The following ERICH6B variants were observed in gnomAD, a reference collection of about 807,000 sequenced individuals.
The protein encoded by ERICH6B is glutamate-rich protein 6B.
Under a neutral mutation model 80.0 loss-of-function variants are expected in ERICH6B, and 69 were observed. The observed-to-expected ratio is 0.86, with a 90% CI of 0.71 to 1.05. The LOEUF (loss-of-function observed/expected upper bound fraction) is 1.05, where lower values mean the gene tolerates loss of function less well. ERICH6B is among the 50% of genes least tolerant of loss of function. The pLI, the probability that ERICH6B is intolerant of heterozygous loss-of-function variation, is 0.00. For synonymous variants in ERICH6B, 283 were observed against 291.9 expected (o/e 0.97, Z 0.31); for missense variants, 754 against 796.1 (o/e 0.95, Z 0.64).
chr13:45,614,621 T>A (rs1160773917), intron 1 of ERICH6B, among the ~76,000 whole-genome samples: 8 of 152,232 alleles, frequency 5.3e-5, no homozygotes, highest in Admixed American at 5.2e-4. Flanking sequence ...ATGGAGTGGG[T>A]GACCCTTGGC....
At chr13:45,547,338 A>G (rs1874033549) in intron 13 of ERICH6B, among the ~76,000 whole-genome samples, 1 of 152,222 alleles carries the variant, frequency 6.6e-6, no homozygotes, top group Non-Finnish European at 1.5e-5. Context: ...GGCTCCCATC[A>G]GAGTTCTCAC....
In ERICH6B at chr13:45,614,837, A is replaced by G. The variant is rs558210704; in HGVS notation, c.-111+848T>C. Among the ~76,000 whole-genome samples, 4 of 152,368 alleles carry G rather than the reference A, an allele frequency of 2.6e-5. No homozygotes were observed. The East Asian group carries it at 7.7e-4, about 29-fold the overall frequency. On this transcript the variant is annotated intron_variant, in intron 1 of 14. Coordinates refer to ENST00000298738, the MANE Select transcript of ERICH6B (RefSeq NM_182542.3). The stretch of plus-strand genomic sequence containing the variant: ...CTGAAGTCTGCTGCTCTCCCCCATG[A>G]GGGGAACAACTGATGACCTACTTCT...
At chr13:45,569,791 C>T (rs763460310) in intron 8 of ERICH6B, among the ~76,000 whole-genome samples, 14 of 152,278 alleles carry the variant, frequency 9.2e-5, no homozygotes, top group South Asian at 6.2e-4. Context: ...GCTTTAGGTC[C>T]GACTTGCCTG....
chr13:45,581,570 T>C (rs1358741798), intron 5 of ERICH6B, among the ~76,000 whole-genome samples: 1 of 151,982 alleles, frequency 6.6e-6, no homozygotes, highest in Non-Finnish European at 1.5e-5. Context: ...AGAGGCAGAG[T>C]TTTGCCGTGT....
At position 45,587,136 on chromosome 13, in the gene ERICH6B, A is replaced by G; in HGVS notation, c.783T>C (p.Ser261=). The G allele has an allele frequency of 6.4e-7, 1 of 1,551,720 alleles. No homozygotes were observed. The highest frequency in any genetic ancestry group is 8.7e-7 in the Non-Finnish European group (1 of 1,146,994). ...PSPVSESATE[S]SELLLTLYRR... ...TGTACAATGTCAGAAGCAACTCAGA[A>G]GACTCTGTGGCAGATTCAGAGACAG... The change falls in exon 5 of 15, where the codon TCT becomes TCC. Residue 261 remains serine (S), a synonymous_variant. Transcript: ENST00000298738.
intron 1 of ERICH6B, among the ~76,000 whole-genome samples, chr13:45,611,920 T>G (rs1949902059): frequency 6.6e-6 from 1 of 152,252 alleles, no homozygotes; most frequent in African/African-American, 2.4e-5. Context: ...CCAGCAAGCC[T>G]TCTGAGGTCT....
intron 13 of ERICH6B, among the ~76,000 whole-genome samples, chr13:45,548,452 G>C (rs554452172): frequency 2.5e-4 from 38 of 152,308 alleles, no homozygotes; most frequent in African/African-American, 8.4e-4. Flanking sequence ...CTTCCTCTGT[G>C]GGTAACATTT....
chr13:45,570,233 G>C (rs1464508970), intron 8 of ERICH6B, among the ~76,000 whole-genome samples: 1 of 152,108 alleles, frequency 6.6e-6, no homozygotes, highest in Non-Finnish European at 1.5e-5. Context: ...CCTCTCCTGG[G>C]TTAATATCTG....
intron 7 of ERICH6B, among the ~76,000 whole-genome samples, chr13:45,577,432 T>C (rs890683580): frequency 6.6e-5 from 10 of 151,914 alleles, no homozygotes; most frequent in African/African-American, 1.9e-4. Flanking sequence ...TACAGGCGTG[T>C]GCCACCATGC....
At chr13:45,609,446 C>T (rs945724526) in intron 1 of ERICH6B, among the ~76,000 whole-genome samples, 1 of 152,220 alleles carries the variant, frequency 6.6e-6, no homozygotes, top group African/African-American at 2.4e-5. Context: ...CCACCCCTGA[C>T]CCTCACCTCC....
intron 11 of ERICH6B, chr13:45,555,417 G>GA (rs1874396318): frequency 6.6e-6 from 1 of 152,370 alleles, no homozygotes; most frequent in South Asian, 2.1e-4. Context: ...CTGGAGGTCA[G>GA]AAAAGTCCAT....
chr13:45,549,931 T>C lies in ERICH6B; in HGVS notation c.1608A>G (p.Ser536=). 4 of 1,551,540 alleles carry C rather than the reference T, an allele frequency of 2.6e-6. No individual in the cohort carries two copies. Among genetic ancestry groups the C allele is most frequent in the Non-Finnish European group, 3.5e-6 (4 of 1,146,964 alleles). The change falls in exon 13 of 15, where the codon TCA becomes TCG. Residue 536 remains serine, a synonymous_variant. Coordinates refer to ENST00000298738, the MANE Select transcript of ERICH6B (RefSeq NM_182542.3). ...EGRIRALINN[S]GNATFYDENS... Reference sequence around the variant, plus strand: ...TTTCATCATAGAAGGTAGCATTGCCTGAGTTGTTGATAAGGGCCCGGATCC... The same window carrying C: ...TTTCATCATAGAAGGTAGCATTGCCCGAGTTGTTGATAAGGGCCCGGATCC...
intron 8 of ERICH6B, among the ~76,000 whole-genome samples, chr13:45,572,866 C>T (rs1290017759): frequency 1.3e-5 from 2 of 152,078 alleles, no homozygotes; most frequent in African/African-American, 4.8e-5. Flanking sequence ...TGCCCGGCAC[C>T]TTTCATAATG....
At chr13:45,562,654 A>G (rs1165950543) in intron 10 of ERICH6B, among the ~76,000 whole-genome samples, 1 of 152,172 alleles carries the variant, frequency 6.6e-6, no homozygotes, top group South Asian at 2.1e-4. Context: ...ACAGGCTTCC[A>G]TGAGAGCTCA....
intron 11 of ERICH6B, among the ~76,000 whole-genome samples, chr13:45,555,731 A>G (rs1293927447): frequency 1.3e-5 from 2 of 152,082 alleles, no homozygotes; most frequent in Non-Finnish European, 2.9e-5. Flanking sequence ...AAGAAATACA[A>G]GGCTCAAAAT....
chr13:45,548,665 G>A (rs962614368), intron 13 of ERICH6B, among the ~76,000 whole-genome samples: 2 of 152,098 alleles, frequency 1.3e-5, no homozygotes, highest in Non-Finnish European at 2.9e-5. Context: ...GGACTGAGAG[G>A]GGGAGCTCTT....
chr13:45,569,485 C>T (rs1210253558), intron 8 of ERICH6B, among the ~76,000 whole-genome samples: 2 of 152,130 alleles, frequency 1.3e-5, no homozygotes, highest in Non-Finnish European at 2.9e-5. Flanking sequence ...TGCTGCTGAC[C>T]AGGATTGACC....
intron 14 of ERICH6B, among the ~76,000 whole-genome samples, chr13:45,543,947 G>A (rs150275990): frequency 6.6e-6 from 1 of 152,220 alleles, no homozygotes; most frequent in African/African-American, 2.4e-5. Context: ...GATAATGCAG[G>A]GTGACATCTG....
intron 1 of ERICH6B, among the ~76,000 whole-genome samples, chr13:45,609,306 C>T (rs1048506235): frequency 1.3e-5 from 2 of 152,180 alleles, no homozygotes; most frequent in African/African-American, 4.8e-5. Context: ...CTGTTCTCAC[C>T]TCAGGATGCT....
Sources: allele counts gnomAD v4.1 joint callset (sites outside exome capture counted in the v4.1 genomes callset), GRCh38; gene constraint gnomAD v4.1.1; transcripts MANE v1.5; gene names NCBI Gene and HGNC (gene_info 2026-07-23, HGNC 2026-07-21).